CDH12: variants seen among roughly 807,000 people sequenced by gnomAD.
CDH12 encodes the protein cadherin-12.
Under a neutral mutation model 74.1 loss-of-function variants are expected in CDH12, and 41 were observed. That is an observed-to-expected ratio of 0.55 (90% CI 0.43 to 0.72). The LOEUF (loss-of-function observed/expected upper bound fraction) is 0.72, where lower values mean the gene tolerates loss of function less well. Among genes scored for constraint, CDH12 ranks in the 30% least tolerant of loss-of-function variants. The probability of loss-of-function intolerance (pLI) is 0.00; values close to 1 mark genes in which losing one functional copy is unlikely to be tolerated. For synonymous variants in CDH12, 399 were observed against 355.0 expected (o/e 1.12, Z -1.39); for missense variants, 945 against 977.2 (o/e 0.97, Z 0.44).
intron 3 of CDH12, among the ~76,000 whole-genome samples, chr5:22,305,396 CTG>C (rs1738060111): frequency 6.6e-6 from 1 of 152,144 alleles, no homozygotes; most frequent in Non-Finnish European, 1.5e-5. Flanking sequence ...AAGATAGTGT[CTG>C]TGTATATTTT....
intron 9 of CDH12, among the ~76,000 whole-genome samples, chr5:21,815,155 C>T (rs373437857): frequency 1.3e-5 from 2 of 151,974 alleles, no homozygotes; most frequent in South Asian, 2.1e-4. Flanking sequence ...ATATATATTG[C>T]TTCCTTGTTA....
intron 6 of CDH12, among the ~76,000 whole-genome samples, chr5:21,886,854 C>T (rs919860701): frequency 6.6e-6 from 1 of 151,594 alleles, no homozygotes; most frequent in Non-Finnish European, 1.5e-5. Context: ...TGTAGTTTTC[C>T]TCAAATGCAT....
At chr5:22,851,022 A>G (rs1737530517) in intron 1 of CDH12, among the ~76,000 whole-genome samples, 2 of 152,166 alleles carry the variant, frequency 1.3e-5, no homozygotes, top group African/African-American at 4.8e-5. Context: ...AAGATGCTCA[A>G]TTTAAGGAGA....
chr5:21,934,568 T>A (rs1431759354), intron 6 of CDH12, among the ~76,000 whole-genome samples: 1 of 152,156 alleles, frequency 6.6e-6, no homozygotes, highest in African/African-American at 2.4e-5. Flanking sequence ...TATGAAAAAG[T>A]CATATGCACT....
intron 6 of CDH12, among the ~76,000 whole-genome samples, chr5:21,929,623 T>TC (rs1754745826): frequency 6.6e-6 from 1 of 152,064 alleles, no homozygotes; most frequent in Non-Finnish European, 1.5e-5. Context: ...CCTCAGGTGA[T>TC]CCTCTCACCT....
At chr5:21,835,514 T>A (rs1315454186) in intron 8 of CDH12, among the ~76,000 whole-genome samples, 1 of 151,752 alleles carries the variant, frequency 6.6e-6, no homozygotes, top group African/African-American at 2.4e-5. Flanking sequence ...TATGGTAAAA[T>A]GTAACTGTCA....
chr5:22,738,453 T>G (rs1266769441), intron 1 of CDH12, among the ~76,000 whole-genome samples: 1 of 152,018 alleles, frequency 6.6e-6, no homozygotes, highest in Non-Finnish European at 1.5e-5. Flanking sequence ...CTCTACTACG[T>G]TGATATTGTT....
chr5:21,786,355 T>C (rs908428940), intron 10 of CDH12, among the ~76,000 whole-genome samples: 2 of 152,144 alleles, frequency 1.3e-5, no homozygotes, highest in African/African-American at 4.8e-5. Flanking sequence ...GGTTTCACCA[T>C]GTTGGTCAGG....
At chr5:22,118,933 AGTTCT>A (rs1261661923) in intron 4 of CDH12, among the ~76,000 whole-genome samples, 1 of 152,132 alleles carries the variant, frequency 6.6e-6, no homozygotes, top group Non-Finnish European at 1.5e-5. Flanking sequence ...CCACATGGAA[AGTTCT>A]GTTCTGGGGA....
chr5:22,783,682 A>G (rs192581098), intron 1 of CDH12, among the ~76,000 whole-genome samples: 1 of 152,246 alleles, frequency 6.6e-6, no homozygotes, highest in Admixed American at 6.5e-5. Context: ...AATGTGCCCA[A>G]TCTGCTAAAC....
intron 1 of CDH12, among the ~76,000 whole-genome samples, chr5:22,573,345 TA>T (rs536740425): frequency 6.6e-6 from 1 of 152,294 alleles, no homozygotes; most frequent in African/African-American, 2.4e-5. Flanking sequence ...AGTTTTAAGG[TA>T]AAACTTGAGT....
At chr5:22,063,302 T>C (rs891814023) in intron 5 of CDH12, among the ~76,000 whole-genome samples, 5 of 152,164 alleles carry the variant, frequency 3.3e-5, no homozygotes, top group African/African-American at 9.6e-5. Flanking sequence ...ATGTTCTTAT[T>C]GGTAGGTCTT....
chr5:22,697,126 A>G (rs1742412139), intron 1 of CDH12, among the ~76,000 whole-genome samples: 1 of 152,172 alleles, frequency 6.6e-6, no homozygotes. Flanking sequence ...TTGATGACAC[A>G]TCATGCTACC....
chr5:21,889,523 T>A (rs946352949), intron 6 of CDH12: 73 of 872,226 alleles, frequency 8.4e-5, no homozygotes, highest in Non-Finnish European at 9.8e-5. Flanking sequence ...ACCAATCCAA[T>A]GTTCTGAAGC....
chr5:22,357,732 A>C (rs1457348734), intron 3 of CDH12, among the ~76,000 whole-genome samples: 5 of 152,084 alleles, frequency 3.3e-5, no homozygotes, highest in South Asian at 4.1e-4. Flanking sequence ...GATTTTTCCC[A>C]AAAAAATGAT....
chr5:21,796,491 C>A (rs555010179), intron 10 of CDH12, among the ~76,000 whole-genome samples: 1 of 151,888 alleles, frequency 6.6e-6, no homozygotes, highest in East Asian at 1.9e-4. Context: ...CTTTATGAGT[C>A]GGGGAACAAT....
chr5:22,473,134 G>C (rs11742535), intron 2 of CDH12, among the ~76,000 whole-genome samples: 2 of 151,738 alleles, frequency 1.3e-5, no homozygotes, highest in African/African-American at 4.8e-5. Context: ...CTGGATATTT[G>C]CTCTTACAAA....
intron 1 of CDH12, among the ~76,000 whole-genome samples, chr5:22,798,204 C>T (rs1259168615): frequency 6.6e-6 from 1 of 152,124 alleles, no homozygotes; most frequent in Non-Finnish European, 1.5e-5. Flanking sequence ...TCAAACTTCT[C>T]AATCTACCAT....
At chr5:22,704,479 C>G (rs918652036) in intron 1 of CDH12, among the ~76,000 whole-genome samples, 1 of 152,012 alleles carries the variant, frequency 6.6e-6, no homozygotes, top group Non-Finnish European at 1.5e-5. Context: ...AGGGTTATAT[C>G]ACTAGAGTTC....
Sources: allele counts gnomAD v4.1 joint callset (sites outside exome capture counted in the v4.1 genomes callset), GRCh38; gene constraint gnomAD v4.1.1; transcripts MANE v1.5; gene names NCBI Gene and HGNC (gene_info 2026-07-23, HGNC 2026-07-21).